Variants in LPL observed in about 807,000 individuals in gnomAD.
LPL encodes the protein lipoprotein lipase, also known as phospholipase A1.
Under a neutral mutation model 52.2 loss-of-function variants are expected in LPL, and 43 were observed. That is an observed-to-expected ratio of 0.82 (90% CI 0.64 to 1.06). The LOEUF (loss-of-function observed/expected upper bound fraction) is 1.06. LPL is among the 50% of genes least tolerant of loss of function. The pLI, the probability that LPL is intolerant of heterozygous loss-of-function variation, is 0.00. For missense variants in LPL, 639 were observed against 585.3 expected, an observed-to-expected ratio of 1.09 and a Z score of -0.95; for synonymous variants, 244 against 215.6, an observed-to-expected ratio of 1.13 and a Z score of -1.15.
At chr8:19,963,417 C>T (rs578197550) in intron 9 of LPL, among the ~76,000 whole-genome samples, 9 of 129,788 alleles carry the variant, frequency 6.9e-5, no homozygotes, top group African/African-American at 2.8e-4. Flanking sequence ...GCCTGGGCAA[C>T]AGAGAAAGAC....
chr8:19,944,070 C>T lies in LPL; in HGVS notation c.89-4110C>T, dbSNP rs757800339. Among the ~76,000 whole-genome samples, 12 of 151,932 alleles carry T rather than the reference C, an allele frequency of 7.9e-5. No homozygotes were observed. The highest frequency in any genetic ancestry group is 1.2e-4 in the Non-Finnish European group (8 of 67,992). On this transcript the variant is annotated intron_variant, in intron 1 of 9. Transcript: ENST00000650287. The surrounding 1 kb of genome is among the most constrained non-coding windows in gnomAD (Gnocchi z 4.2). ...GGCGTGGTGGCAGGCACCTGTAATC[C>T]CGGCTACTCGGGAGGCTGAGGCAGA...
At chr8:19,940,648 T>C (rs112620922) in intron 1 of LPL, among the ~76,000 whole-genome samples, 4 of 152,376 alleles carry the variant, frequency 2.6e-5, no homozygotes, top group African/African-American at 9.6e-5. Flanking sequence ...ATGCTGGAAT[T>C]GCAATTAGGG....
rs750305416 is a variant in LPL at position 19,962,233 on chromosome 8, G to C, written c.1427+14G>C. 1 of 1,605,102 alleles carries C rather than the reference G, an allele frequency of 6.2e-7. No individual in the cohort carries two copies. The highest frequency in any genetic ancestry group is 8.5e-7 in the Non-Finnish European group (1 of 1,172,200). ...GAAGTCAGGCTGGTGAGCATTCTGG[G>C]CTAAAGCTGACTGGGCATCCTGAGC... is the stretch of plus-strand genomic sequence containing the variant. On this transcript the variant is annotated intron_variant, in intron 9 of 9. Transcript: ENST00000650287.
At chr8:19,945,519 G>T (rs1383162694) in intron 1 of LPL, among the ~76,000 whole-genome samples, 1 of 152,170 alleles carries the variant, frequency 6.6e-6, no homozygotes, top group Non-Finnish European at 1.5e-5. Flanking sequence ...TTTACTAGAG[G>T]ATGTGTAAAT....
chr8:19,954,590 G>T (rs1028297770), intron 5 of LPL, among the ~76,000 whole-genome samples: 3 of 152,108 alleles, frequency 2.0e-5, no homozygotes, highest in African/African-American at 7.2e-5. Flanking sequence ...AGTAGCAAGA[G>T]AAAAAGGTGG....
At chr8:19,952,260 T>C (rs2069941210) in intron 3 of LPL, among the ~76,000 whole-genome samples, 1 of 152,236 alleles carries the variant, frequency 6.6e-6, no homozygotes, top group Non-Finnish European at 1.5e-5. Flanking sequence ...AAAGATGGCA[T>C]GTTCAGCCAG....
At chr8:19,963,452 T>G (rs1169869914) in intron 9 of LPL, among the ~76,000 whole-genome samples, 1 of 144,600 alleles carries the variant, frequency 6.9e-6, no homozygotes, top group Non-Finnish European at 1.5e-5. Context: ...AAAAAAAACA[T>G]GCCTATTAGG....
Position 19,954,292 on chromosome 8 carries a change from T to G in LPL, c.714T>G (p.Thr238=). The part of the protein sequence containing the change: ...GHVDIYPNGG[T]FQPGCNIGEA... Reference sequence around the variant, plus strand: ...TTGACATTTACCCGAATGGAGGTACTTTTCAGCCAGGATGTAACATTGGAG... The same window carrying G: ...TTGACATTTACCCGAATGGAGGTACGTTTCAGCCAGGATGTAACATTGGAG... Residue 238 remains threonine (T), a synonymous_variant, in exon 5 of 10, where the codon ACT becomes ACG. Transcript: ENST00000650287. 1 of 1,614,180 alleles carries G rather than the reference T, an allele frequency of 6.2e-7. No individual in the cohort carries two copies. Among genetic ancestry groups the G allele is most frequent in the Non-Finnish European group, 8.5e-7 (1 of 1,180,030 alleles).
chr8:19,945,977 A>T (rs115064749), intron 1 of LPL, among the ~76,000 whole-genome samples: 2 of 152,168 alleles, frequency 1.3e-5, no homozygotes, highest in South Asian at 2.1e-4. Context: ...TTTCTAAAGC[A>T]CTTTTTAACA....
rs772282295 is a variant in LPL at position 19,954,099 on chromosome 8, CCTG to C, written c.542-18_542-16del. 3.2e-6 allele frequency: 5 copies of C among 1,556,750 alleles called. No homozygotes were observed. Among genetic ancestry groups the C allele is most frequent in the Admixed American group, 1.7e-5 (1 of 59,916 alleles). ...GAATGGAAATTTACAAATCTGTGTT[CCTG>C]CTTTTTTCCCTTTTAAGGCCTCGAT... On this transcript the variant is annotated intron_variant, in intron 4 of 9. Transcript: ENST00000650287.
At chr8:19,946,463 TAA>T (rs2069882997) in intron 1 of LPL, 1 of 184,378 alleles carries the variant, frequency 5.4e-6, no homozygotes, top group African/African-American at 2.4e-5. Flanking sequence ...GATATTTAGA[TAA>T]GGCTGATTCA....
At chr8:19,963,889 G>A (rs544646727) in intron 9 of LPL, among the ~76,000 whole-genome samples, 9 of 152,044 alleles carry the variant, frequency 5.9e-5, no homozygotes, top group Non-Finnish European at 1.0e-4. Context: ...ACAAATCTGA[G>A]GCAATATCAT....
At chr8:19,957,256 C>T (rs573728576) in intron 6 of LPL, among the ~76,000 whole-genome samples, 9 of 152,216 alleles carry the variant, frequency 5.9e-5, no homozygotes, top group East Asian at 1.9e-4. Context: ...CGGATAAATC[C>T]GGTGAGAGGG....
chr8:19,960,355 A>G (rs1258567153), intron 7 of LPL, among the ~76,000 whole-genome samples: 2 of 152,218 alleles, frequency 1.3e-5, no homozygotes, highest in African/African-American at 2.4e-5. Context: ...AAACATTTTT[A>G]AAAACATCAA....
At chr8:19,959,840 G>A (rs542299795) in intron 7 of LPL, among the ~76,000 whole-genome samples, 2 of 129,978 alleles carry the variant, frequency 1.5e-5, no homozygotes, top group Non-Finnish European at 3.1e-5. Context: ...CCAGGCTGGA[G>A]TGCAGTGATT....
intron 9 of LPL, 60 bp downstream of exon 9, chr8:19,962,279 C>T: frequency 8.1e-7 from 1 of 1,238,512 alleles, no homozygotes; most frequent in East Asian, 2.3e-5. Context: ...AGGGAGGCAG[C>T]TTCATGCATT....
chr8:19,955,528 A>C (rs1433274714), intron 5 of LPL, among the ~76,000 whole-genome samples: 2 of 152,250 alleles, frequency 1.3e-5, no homozygotes, highest in African/African-American at 4.8e-5. Flanking sequence ...ATGTAAGAGA[A>C]GGATGAGATA....
At chr8:19,943,372 G>C (rs2069856578) in intron 1 of LPL, among the ~76,000 whole-genome samples, 1 of 151,746 alleles carries the variant, frequency 6.6e-6, no homozygotes, top group Non-Finnish European at 1.5e-5. Flanking sequence ...ATGTACCTTT[G>C]AAAAAAAATT....
At chr8:19,961,138 C>A in intron 8 of LPL, 55 bp downstream of exon 8, 4 of 1,530,138 alleles carry the variant, frequency 2.6e-6, no homozygotes, top group Non-Finnish European at 3.6e-6. Context: ...ATGTCAGGAC[C>A]TAGGGGCTGT....
Sources: allele counts gnomAD v4.1 joint callset (sites outside exome capture counted in the v4.1 genomes callset), GRCh38; gene constraint gnomAD v4.1.1; non-coding constraint Gnocchi (gnomAD v3.1); transcripts MANE v1.5; gene names NCBI Gene and HGNC (gene_info 2026-07-23, HGNC 2026-07-21).